The following ATAD2B variants were observed in gnomAD, a reference collection of about 807,000 sequenced individuals.
ATAD2B encodes the protein ATPase family AAA domain-containing protein 2B.
A neutral mutation model predicts 167.6 loss-of-function variants in ATAD2B; 40 were observed. The ratio of observed to expected loss-of-function variants is 0.24; its 90% CI spans 0.19 to 0.31. The LOEUF is 0.31. ATAD2B is among the 10% of genes least tolerant of loss of function. ATAD2B has a pLI of 1.00. For missense variants in ATAD2B, 1,242 were observed against 1,757.2 expected (o/e 0.71, Z 5.24); for synonymous variants, 579 against 596.5 (o/e 0.97, Z 0.43).
the ATAD2B span, among the ~76,000 whole-genome samples, chr2:23,739,404 A>G: frequency 6.6e-6 from 1 of 152,178 alleles, no homozygotes; most frequent in Non-Finnish European, 1.5e-5. Context: ...ACTCACTCAA[A>G]ACCACTCAAC....
the ATAD2B span, among the ~76,000 whole-genome samples, chr2:23,709,122 A>G: frequency 1.3e-5 from 2 of 151,420 alleles, no homozygotes; most frequent in East Asian, 1.9e-4. Flanking sequence ...GCTCACCACA[A>G]CCTCCGCCTC....
chr2:23,752,132 A>G (rs776923905), intron 27 of ATAD2B, 45 bp from the exon 28 acceptor site: 11 of 1,352,858 alleles, frequency 8.1e-6, no homozygotes, highest in African/African-American at 1.5e-5. Flanking sequence ...AGGGAAAGAC[A>G]AAAGTGTTCC....
rs1392957153 is a variant in ATAD2B, at chr2:23,885,872, C to T, written c.573-43G>A. On this transcript the variant is annotated intron_variant, in intron 4 of 27. Coordinates refer to ENST00000238789, the MANE Select transcript of ATAD2B (RefSeq NM_017552.4). ...AATCAGGATTTAGACAATGGTGGCACCATATACATAAAAGAGCTCTTTGTG... is the reference window on the plus strand; with the variant it reads ...AATCAGGATTTAGACAATGGTGGCATCATATACATAAAAGAGCTCTTTGTG... 6 of 1,162,790 alleles carry T rather than the reference C, an allele frequency of 5.2e-6. No homozygotes were observed. In the African/African-American group the frequency reaches 9.3e-5, roughly 18 times the overall value. 72.0% of individuals were successfully genotyped at this position (1,162,790 alleles called of 1,614,324 possible). A position where few individuals can be genotyped will look rare whatever the true frequency, so the allele number is the denominator to read the frequency against.
the ATAD2B span, among the ~76,000 whole-genome samples, chr2:23,733,995 C>A: frequency 1.3e-5 from 2 of 152,156 alleles, no homozygotes; most frequent in Non-Finnish European, 2.9e-5. Flanking sequence ...CTGGGGTGTT[C>A]TTCCCTGATT....
the ATAD2B span, chr2:23,703,369 C>A: frequency 2.7e-6 from 4 of 1,502,956 alleles, no homozygotes; most frequent in Non-Finnish European, 2.7e-6. Flanking sequence ...TCATCGAGTC[C>A]CCAATGATTG....
intron 1 of ATAD2B, among the ~76,000 whole-genome samples, chr2:23,919,504 G>T (rs1703581788): frequency 6.6e-6 from 1 of 152,060 alleles, no homozygotes; most frequent in African/African-American, 2.4e-5. Flanking sequence ...CCAAGATCAT[G>T]CCACTGCACT....
intron 13 of ATAD2B, among the ~76,000 whole-genome samples, chr2:23,839,476 T>C (rs1485979058): frequency 6.6e-6 from 1 of 152,160 alleles, no homozygotes; most frequent in Admixed American, 6.5e-5. Context: ...TAAACATTTC[T>C]TCCACATCTA....
intron 1 of ATAD2B, among the ~76,000 whole-genome samples, chr2:23,900,216 TCTTA>T (rs764784309): frequency 1.3e-5 from 2 of 151,966 alleles, no homozygotes; most frequent in Non-Finnish European, 2.9e-5. Flanking sequence ...ACGCCTGGCC[TCTTA>T]CTTTTTATTT....
intron 13 of ATAD2B, among the ~76,000 whole-genome samples, chr2:23,834,672 A>G (rs1055133134): frequency 6.6e-6 from 1 of 152,178 alleles, no homozygotes; most frequent in Non-Finnish European, 1.5e-5. Context: ...ACCTAAGAAT[A>G]TTTGTAAATC....
At chr2:23,717,957 G>A in the ATAD2B span, among the ~76,000 whole-genome samples, 16 of 152,244 alleles carry the variant, frequency 1.1e-4, no homozygotes, top group Admixed American at 5.9e-4. Context: ...AACGAATAAT[G>A]CCTTAAGACA....
At chr2:23,881,360 C>CTTTTT (rs11361642) in intron 6 of ATAD2B, among the ~76,000 whole-genome samples, 2 of 80,210 alleles carry the variant, frequency 2.5e-5, no homozygotes, top group East Asian at 3.7e-4. Flanking sequence ...GTGATCAATT[C>CTTTTT]TTTTTTTTTT....
intron 23 of ATAD2B, among the ~76,000 whole-genome samples, chr2:23,763,043 T>C (rs1332729934): frequency 6.6e-6 from 1 of 152,222 alleles, no homozygotes; most frequent in Non-Finnish European, 1.5e-5. Context: ...GATCCATATA[T>C]ACAACTCCTT....
downstream of ATAD2B, among the ~76,000 whole-genome samples, chr2:23,748,128 A>G (rs558076289): frequency 3.8e-4 from 58 of 152,244 alleles, no homozygotes; most frequent in Non-Finnish European, 2.9e-5. Flanking sequence ...TCAAAAAACA[A>G]AAGTAAGAAT....
At chr2:23,872,189 AT>A (rs1327732231) in intron 8 of ATAD2B, 1 of 299,738 alleles carries the variant, frequency 3.3e-6, no homozygotes, top group Non-Finnish European at 6.5e-6. Flanking sequence ...TTCTGTTTTT[AT>A]TTTTGTTTTT....
intron 7 of ATAD2B, among the ~76,000 whole-genome samples, chr2:23,876,178 G>C (rs778316831): frequency 6.6e-6 from 1 of 151,868 alleles, no homozygotes; most frequent in African/African-American, 2.4e-5. Flanking sequence ...ATTTTTAGTA[G>C]AGACAGGGTT....
At chr2:23,831,428 G>A (rs2149722991) in intron 14 of ATAD2B, among the ~76,000 whole-genome samples, 1 of 151,956 alleles carries the variant, frequency 6.6e-6, no homozygotes, top group Middle Eastern at 3.4e-3. Context: ...TATTCTATTG[G>A]CCAAACCATA....
chr2:23,719,649 G>A, the ATAD2B span, among the ~76,000 whole-genome samples: 1 of 152,076 alleles, frequency 6.6e-6, no homozygotes, highest in Non-Finnish European at 1.5e-5. Context: ...CTGGCACCAA[G>A]CACGTGGAAA....
chr2:23,818,095 TTA>T (rs1686751612), intron 17 of ATAD2B, among the ~76,000 whole-genome samples: 1 of 12,878 alleles, frequency 7.8e-5, no homozygotes, highest in African/African-American at 3.0e-4. Context: ...CACACACACA[TTA>T]CACACACACA....
At chr2:23,693,360 C>G in the ATAD2B span, 2 of 1,551,692 alleles carry the variant, frequency 1.3e-6, no homozygotes, top group South Asian at 2.4e-5. Flanking sequence ...CCAAGGCCTT[C>G]GCGCTGCAGA....
Sources: gnomAD v4.1 joint callset for allele counts (sites outside exome capture counted in the v4.1 genomes callset) on GRCh38, gnomAD v4.1.1 for gene constraint, MANE v1.5 for transcripts, NCBI Gene and HGNC (gene_info 2026-07-23, HGNC 2026-07-21) for gene names.